The following CREB5 variants were observed in gnomAD, a reference collection of about 807,000 sequenced individuals.
CREB5 encodes cAMP responsive element binding protein 5.
In CREB5, 19 loss-of-function variants were observed where a neutral mutation model predicts 57.1. That is an observed-to-expected ratio of 0.33 (90% CI 0.23 to 0.49). The LOEUF (loss-of-function observed/expected upper bound fraction) is 0.49. Among genes scored for constraint, CREB5 ranks in the 20% least tolerant of loss-of-function variants. The pLI is 0.99. For missense variants in CREB5, 579 were observed against 671.6 expected (o/e 0.86, Z 1.52); for synonymous variants, 238 against 238.3 (o/e 1.00, Z 0.01).
chr7:28,520,894 TTTA>T (rs1793178083), intron 4 of CREB5, among the ~76,000 whole-genome samples: 2 of 152,236 alleles, frequency 1.3e-5, no homozygotes, highest in African/African-American at 2.4e-5. Context: ...GATAAATCAT[TTTA>T]AGAAAGCCTA....
intron 5 of CREB5, among the ~76,000 whole-genome samples, chr7:28,711,030 A>C (rs1051553337): frequency 6.6e-6 from 1 of 152,176 alleles, no homozygotes; most frequent in African/African-American, 2.4e-5. Context: ...GGAAATCACT[A>C]TGGCAGGTAT....
intron 7 of CREB5, among the ~76,000 whole-genome samples, chr7:28,727,370 C>A (rs1056960351): frequency 6.6e-6 from 1 of 151,986 alleles, no homozygotes; most frequent in Admixed American, 6.6e-5. Flanking sequence ...GGGAGCAATA[C>A]GTGTCTTAGA....
At chr7:28,642,991 C>CACACACACACACACAT (rs1798735839) in intron 5 of CREB5, among the ~76,000 whole-genome samples, 10 of 114,648 alleles carry the variant, frequency 8.7e-5, no homozygotes, top group East Asian at 2.9e-4. Context: ...CACACATACA[C>CACACACACACACACAT]ACACACACAC....
intron 6 of CREB5, among the ~76,000 whole-genome samples, chr7:28,721,791 T>C (rs902219870): frequency 2.6e-5 from 4 of 152,218 alleles, no homozygotes; most frequent in Admixed American, 6.5e-5. Flanking sequence ...TGTGATTTCT[T>C]ATCTTGAAAT....
intron 1 of CREB5, among the ~76,000 whole-genome samples, chr7:28,452,814 C>A (rs940044131): frequency 6.6e-6 from 1 of 152,218 alleles, no homozygotes; most frequent in African/African-American, 2.4e-5. Context: ...GGGACTCAGT[C>A]CACAGAGCTT....
At chr7:28,317,241 A>C (rs1200973500) in intron 1 of CREB5, among the ~76,000 whole-genome samples, 2 of 152,190 alleles carry the variant, frequency 1.3e-5, no homozygotes, top group Non-Finnish European at 2.9e-5. Flanking sequence ...TTACCCCAGG[A>C]AAGTGTAATG....
At chr7:28,806,031 CAAT>C (rs942280049) in intron 8 of CREB5, among the ~76,000 whole-genome samples, 3 of 151,764 alleles carry the variant, frequency 2.0e-5, no homozygotes, top group African/African-American at 4.8e-5. Context: ...ACTACAAAGT[CAAT>C]GATGGGCAAA....
At chr7:28,465,287 G>C (rs1214626591) in intron 1 of CREB5, among the ~76,000 whole-genome samples, 1 of 152,194 alleles carries the variant, frequency 6.6e-6, no homozygotes, top group African/African-American at 2.4e-5. Context: ...GCTTGGACTG[G>C]GAGTGCAGTG....
intron 7 of CREB5, among the ~76,000 whole-genome samples, chr7:28,744,071 A>G (rs1197579917): frequency 2.6e-5 from 3 of 113,208 alleles, no homozygotes; most frequent in East Asian, 2.6e-4. Flanking sequence ...TCATTGTTCA[A>G]TTCCCACCTA....
intron 1 of CREB5, among the ~76,000 whole-genome samples, chr7:28,454,934 A>C (rs1287546325): frequency 6.6e-6 from 1 of 152,178 alleles, no homozygotes; most frequent in Non-Finnish European, 1.5e-5. Flanking sequence ...CAGTGGCCTC[A>C]GCACACCACC....
chr7:28,673,885 G>A (rs1800189350), intron 5 of CREB5, among the ~76,000 whole-genome samples: 1 of 151,858 alleles, frequency 6.6e-6, no homozygotes, highest in Non-Finnish European at 1.5e-5. Context: ...TGTTGGCCAG[G>A]CTGGTCTCAA....
intron 5 of CREB5, among the ~76,000 whole-genome samples, chr7:28,670,169 C>T (rs902194210): frequency 6.6e-6 from 1 of 152,204 alleles, no homozygotes; most frequent in Non-Finnish European, 1.5e-5. Context: ...TTTTTCCTAT[C>T]CGTGCATACC....
At chr7:28,477,588 C>G (rs1043033419) in intron 1 of CREB5, among the ~76,000 whole-genome samples, 32 of 152,182 alleles carry the variant, frequency 2.1e-4, no homozygotes, top group African/African-American at 7.7e-4. Flanking sequence ...AAAGAGAAGG[C>G]CCTGCGTTTG....
chr7:28,672,981 G>A (rs1030735850), intron 5 of CREB5, among the ~76,000 whole-genome samples: 4 of 152,028 alleles, frequency 2.6e-5, no homozygotes, highest in Admixed American at 1.3e-4. Context: ...GAGTCCCCTG[G>A]ACCCCAGAAA....
At chr7:28,753,515 T>A (rs1178172996) in intron 7 of CREB5, among the ~76,000 whole-genome samples, 1 of 152,208 alleles carries the variant, frequency 6.6e-6, no homozygotes, top group African/African-American at 2.4e-5. Context: ...TATAATCTTC[T>A]TATATTAACA....
intron 1 of CREB5, among the ~76,000 whole-genome samples, chr7:28,310,445 A>G (rs1025701743): frequency 6.6e-6 from 1 of 152,222 alleles, no homozygotes; most frequent in African/African-American, 2.4e-5. Flanking sequence ...TGGACTATTA[A>G]ATAGTTGGAA....
intron 5 of CREB5, among the ~76,000 whole-genome samples, chr7:28,692,708 G>A (rs1005234164): frequency 2.0e-5 from 3 of 152,164 alleles, no homozygotes; most frequent in Admixed American, 6.5e-5. Flanking sequence ...GGCAGAGGTT[G>A]CAGTGAGCCG....
At chr7:28,714,257 C>G (rs1427068046) in intron 5 of CREB5, among the ~76,000 whole-genome samples, 1 of 152,196 alleles carries the variant, frequency 6.6e-6, no homozygotes, top group Non-Finnish European at 1.5e-5. Context: ...AGCCACTGCA[C>G]CCAGCCTGTG....
chr7:28,767,388 T>C (rs956216129), intron 7 of CREB5, among the ~76,000 whole-genome samples: 10 of 152,218 alleles, frequency 6.6e-5, no homozygotes, highest in Admixed American at 5.9e-4. Flanking sequence ...TGAGTTGATA[T>C]ATTCATGACA....
Sources: gnomAD v4.1 joint callset for allele counts (sites outside exome capture counted in the v4.1 genomes callset) on GRCh38, gnomAD v4.1.1 for gene constraint, MANE v1.5 for transcripts, NCBI Gene and HGNC (gene_info 2026-07-23, HGNC 2026-07-21) for gene names.